TAF2: variants seen among roughly 807,000 people sequenced by gnomAD.
TAF2 encodes TATA-box binding protein associated factor 2, also known as transcription initiation factor TFIID subunit 2.
A neutral mutation model predicts 138.5 loss-of-function variants in TAF2; 61 were observed. That is an observed-to-expected ratio of 0.44 (90% CI 0.36 to 0.54). The LOEUF is 0.54. Ranked by LOEUF, TAF2 falls within the 20% of genes least tolerant of loss-of-function variation. The pLI, the probability that TAF2 is intolerant of heterozygous loss-of-function variation, is 0.00. For missense variants in TAF2, 1,090 were observed against 1,427.9 expected (o/e 0.76, Z 3.81); for synonymous variants, 475 against 469.9 (o/e 1.01, Z -0.14).
chr8:119,744,473 T>G, intron 23 of TAF2, 80 bp from the exon 24 acceptor site: 1 of 1,222,172 alleles, frequency 8.2e-7, no homozygotes, highest in Non-Finnish European at 1.2e-6. Flanking sequence ...TTAGGAAAAG[T>G]AGCAGAGAGG....
At chr8:119,776,893 T>C (rs552503837) in intron 18 of TAF2, among the ~76,000 whole-genome samples, 6 of 136,720 alleles carry the variant, frequency 4.4e-5, no homozygotes, top group Non-Finnish European at 8.3e-5. Flanking sequence ...AAGTAGACAC[T>C]ATAGCTGACC....
chr8:119,788,976 G>T (rs923029512), intron 12 of TAF2, 72 bp from the exon 13 acceptor site: 6 of 1,039,672 alleles, frequency 5.8e-6, no homozygotes, highest in Middle Eastern at 2.5e-4. Flanking sequence ...ATCCATCATG[G>T]TATTAATAAT....
chr8:119,752,025 G>A (rs1254080043), intron 22 of TAF2, among the ~76,000 whole-genome samples: 1 of 151,982 alleles, frequency 6.6e-6, no homozygotes. Flanking sequence ...TGGAAAGAGG[G>A]TAATGATCCC....
chr8:119,804,088 T>TACAAAGA, intron 4 of TAF2, 69 bp from the exon 5 acceptor site: 1 of 1,558,484 alleles, frequency 6.4e-7, no homozygotes, highest in Non-Finnish European at 8.8e-7. Context: ...AAGACAAAGA[T>TACAAAGA]TTAATGCTGA....
intron 25 of TAF2, among the ~76,000 whole-genome samples, chr8:119,733,785 C>T (rs1215111971): frequency 6.6e-6 from 1 of 151,904 alleles, no homozygotes; most frequent in East Asian, 1.9e-4. Context: ...AATCCGCCCC[C>T]CCCCATCCTA....
intron 25 of TAF2, among the ~76,000 whole-genome samples, chr8:119,733,780 G>C (rs1301474743): frequency 4.0e-5 from 6 of 149,054 alleles, no homozygotes; most frequent in African/African-American, 9.9e-5. Context: ...TCTTAAATCC[G>C]CCCCCCCCCA....
intron 10 of TAF2, among the ~76,000 whole-genome samples, chr8:119,792,186 C>T (rs67905698): frequency 0.27 from 40,532 of 147,476 alleles, 6,776 homozygotes; most frequent in Admixed American, 0.46. Context: ...TAGAGTCTCG[C>T]TCTTATCCCC....
chr8:119,786,117 T>C (rs1822996054), intron 14 of TAF2, among the ~76,000 whole-genome samples: 1 of 152,124 alleles, frequency 6.6e-6, no homozygotes. Flanking sequence ...AGTTCGTATT[T>C]CTCCAGCAAA....
In TAF2 at chr8:119,760,580, CG is replaced by C. The variant is rs747777431; in HGVS notation, c.2698+18del. On this transcript the variant is annotated intron_variant, in intron 20 of 25. Coordinates refer to ENST00000378164, the MANE Select transcript of TAF2 (RefSeq NM_003184.4). ...AGTTCTTTCTAAAATGATATGAGCA[CG>C]TATTTCTAAAGTATTACCTTTAGTA... 2 of 1,610,758 alleles carry C rather than the reference CG, an allele frequency of 1.2e-6. No individual in the cohort carries two copies. The highest frequency in any genetic ancestry group is 2.2e-5 in the South Asian group (2 of 91,042).
intron 8 of TAF2, 39 bp downstream of exon 8, chr8:119,796,951 G>T: frequency 7.2e-7 from 1 of 1,396,054 alleles, no homozygotes; most frequent in Non-Finnish European, 1.0e-6. Flanking sequence ...AAATAAACTT[G>T]ATTCTCTTCT....
Position 119,797,653 on chromosome 8 carries a change from G to A in TAF2, c.977+9C>T, listed in dbSNP as rs370211915. 3 of 1,611,418 alleles carry A rather than the reference G, an allele frequency of 1.9e-6. No homozygotes were observed. In the African/African-American group the frequency reaches 4.0e-5, roughly 22 times the overall value. On this transcript the variant is annotated intron_variant, in intron 7 of 25. Coordinates refer to ENST00000378164, the MANE Select transcript of TAF2 (RefSeq NM_003184.4). Reference sequence around the variant, plus strand: ...AATTTAGGCATTTCAAATCTGAAGAGATACCAACCTAAAAATGCTCATGGA... The same window carrying A: ...AATTTAGGCATTTCAAATCTGAAGAAATACCAACCTAAAAATGCTCATGGA...
At chr8:119,817,975 ACAACTCAC>A (rs1825584274) in intron 3 of TAF2, among the ~76,000 whole-genome samples, 1 of 152,268 alleles carries the variant, frequency 6.6e-6, no homozygotes, top group Non-Finnish European at 1.5e-5. Flanking sequence ...TGTAATTTCA[ACAACTCAC>A]CTTTGTGAAA....
chr8:119,801,811 C>A lies in TAF2; in HGVS notation c.775G>T (p.Asp259Tyr). Residue 259 changes from aspartate (D) to tyrosine (Y), a missense_variant, in exon 6 of 26, where the codon GAT becomes TAT. Around this residue, in one of 3 missense-constraint regions of TAF2, gnomAD observed 504 missense variants for 680.9 expected, o/e 0.74. Transcript: ENST00000378164. ...LAIGPFEILV[D>Y]PYMHEVTHFC... ...TGACTTACCTCATGCATGTATGGAT[C>A]TACCAGTATTTCAAATGGTCCAATG... 6.2e-7 allele frequency: 1 copy of A among 1,614,010 alleles called. No homozygotes were observed. Among genetic ancestry groups the A allele is most frequent in the Non-Finnish European group, 8.5e-7 (1 of 1,179,900 alleles).
intron 3 of TAF2, among the ~76,000 whole-genome samples, chr8:119,815,246 C>T (rs892479629): frequency 1.3e-5 from 2 of 151,092 alleles, no homozygotes; most frequent in African/African-American, 4.8e-5. Flanking sequence ...TGCACCATTG[C>T]ACTCCAGCCT....
At chr8:119,815,175 G>A (rs1459182346) in intron 3 of TAF2, among the ~76,000 whole-genome samples, 4 of 151,620 alleles carry the variant, frequency 2.6e-5, no homozygotes, top group Admixed American at 6.6e-5. Flanking sequence ...CCAGCTACTC[G>A]GGAGGGTGAG....
chr8:119,795,308 A>T (rs1823747538), intron 9 of TAF2, among the ~76,000 whole-genome samples: 1 of 152,214 alleles, frequency 6.6e-6, no homozygotes. Flanking sequence ...CTGATGTTTA[A>T]GAAACTTAAA....
intron 25 of TAF2, 37 bp downstream of exon 25, chr8:119,742,497 G>C: frequency 6.2e-7 from 1 of 1,604,746 alleles, no homozygotes; most frequent in Non-Finnish European, 8.5e-7. Context: ...ATTTGTTCTT[G>C]AACAAAATAA....
chr8:119,760,742 G>C lies in TAF2; in HGVS notation c.2559-4C>G. The C allele has an allele frequency of 6.2e-7, 1 of 1,613,610 alleles. No homozygotes were observed. Among genetic ancestry groups the C allele is most frequent in the Non-Finnish European group, 8.5e-7 (1 of 1,179,828 alleles). ...TACCCGTATGGCTCTCAAACAACTA[G>C]GGAAAAAAATACGTATGTTAACTAC... On this transcript the variant is annotated splice_polypyrimidine_tract_variant and splice_region_variant and intron_variant, in intron 19 of 25. Coordinates refer to ENST00000378164, the MANE Select transcript of TAF2 (RefSeq NM_003184.4).
chr8:119,801,863 A>T lies in TAF2; in HGVS notation c.723T>A (p.Pro241=). 1 of 1,614,216 alleles carries T rather than the reference A, an allele frequency of 6.2e-7. No homozygotes were observed. Among genetic ancestry groups the T allele is most frequent in the Non-Finnish European group, 8.5e-7 (1 of 1,180,038 alleles). ...CCAAGGAGATATTTGACGCTGCTGT[A>T]GGAATGGTAAGCATATAATGGAAAG... ...KKTFHYMLTI[P]TAASNISLAI... is the part of the protein sequence containing the mutation. The change falls in exon 6 of 26, where the codon CCT becomes CCA. Residue 241 remains proline, a synonymous_variant. Transcript: ENST00000378164.
Sources: allele counts gnomAD v4.1 joint callset (sites outside exome capture counted in the v4.1 genomes callset), GRCh38; gene constraint gnomAD v4.1.1; regional missense constraint gnomAD v4.1.1; transcripts MANE v1.5; gene names NCBI Gene and HGNC (gene_info 2026-07-23, HGNC 2026-07-21).